XRCC5: variants seen among roughly 807,000 people sequenced by gnomAD.
XRCC5 encodes X-ray repair cross complementing 5.
A neutral mutation model predicts 95.7 loss-of-function variants in XRCC5; 12 were observed. That is an observed-to-expected ratio of 0.13 (90% CI 0.08 to 0.20). The LOEUF is 0.20. Among genes scored for constraint, XRCC5 ranks in the 10% least tolerant of loss-of-function variants. The pLI is 1.00. For missense variants in XRCC5, 595 were observed against 873.9 expected (o/e 0.68, Z 4.02); for synonymous variants, 281 against 290.3 (o/e 0.97, Z 0.33).
Position 216,205,172 on chromosome 2 carries a change from T to G in XRCC5, c.2185-16T>G, listed in dbSNP as rs773933947. 20 of 1,613,786 alleles carry G rather than the reference T, an allele frequency of 1.2e-5. No homozygotes were observed. Among genetic ancestry groups the G allele is most frequent in the Non-Finnish European group, 1.7e-5 (20 of 1,179,848 alleles). ...TTGGCCTGATTCCTTTCTAAGTGTG[T>G]TGTTCTTGTTCACAGTTGGACATGA... is the stretch of plus-strand genomic sequence containing the variant. On this transcript the variant is annotated splice_polypyrimidine_tract_variant and intron_variant, in intron 20 of 20. Transcript: ENST00000392132.
chr2:216,159,515 G>A (rs1394650339), intron 14 of XRCC5, among the ~76,000 whole-genome samples: 10 of 151,990 alleles, frequency 6.6e-5, no homozygotes, highest in South Asian at 2.1e-4. Context: ...TATAGTTTAC[G>A]ACTTCTTTAA....
chr2:216,116,332 C>G (rs1696695689), intron 2 of XRCC5, among the ~76,000 whole-genome samples: 1 of 151,932 alleles, frequency 6.6e-6, no homozygotes, highest in Non-Finnish European at 1.5e-5. Context: ...ATACTAAAAT[C>G]TTTTCACATT....
At chr2:216,193,659 C>T (rs921643749) in intron 18 of XRCC5, among the ~76,000 whole-genome samples, 5 of 152,024 alleles carry the variant, frequency 3.3e-5, no homozygotes, top group African/African-American at 7.2e-5. Flanking sequence ...CTGTTGACCC[C>T]GTAAATGAAG....
rs778993584 is a variant in XRCC5, at chr2:216,190,205, TTTG to T, written c.1835-15_1835-13del. 15 of 1,606,744 alleles carry T rather than the reference TTTG, an allele frequency of 9.3e-6. No homozygotes were observed. Among genetic ancestry groups the T allele is most frequent in the Non-Finnish European group, 2.6e-6 (3 of 1,174,526 alleles). ...CAGGCATCACTCAAATCTAAGAAAA[TTTG>T]TTGTCTTATGTTTTAGCGAGTAACC... On this transcript the variant is annotated splice_polypyrimidine_tract_variant and intron_variant, in intron 16 of 20. Coordinates refer to ENST00000392132, the MANE Select transcript of XRCC5 (RefSeq NM_021141.4).
intron 4 of XRCC5, among the ~76,000 whole-genome samples, chr2:216,118,262 G>C (rs1036490508): frequency 6.6e-6 from 1 of 151,046 alleles, no homozygotes; most frequent in Non-Finnish European, 1.5e-5. Context: ...ACCTCAGCTT[G>C]ATCTCCTGGG....
intron 20 of XRCC5, 94 bp from the exon 21 acceptor site, chr2:216,205,094 T>C (rs1167976334): frequency 6.8e-6 from 10 of 1,470,660 alleles, no homozygotes; most frequent in Non-Finnish European, 8.6e-6. Flanking sequence ...TGCCTTCCAA[T>C]GTAGAGTCAT....
intron 14 of XRCC5, 67 bp downstream of exon 14, chr2:216,148,343 T>G (rs2106019235): frequency 4.9e-6 from 7 of 1,441,796 alleles, no homozygotes; most frequent in Non-Finnish European, 6.6e-6. Context: ...TTAGAGTGGC[T>G]CTGGAAGTGT....
chr2:216,113,240 G>T, intron 2 of XRCC5, 111 bp downstream of exon 2: 1 of 807,830 alleles, frequency 1.2e-6, no homozygotes, highest in Non-Finnish European at 2.0e-6. Flanking sequence ...CTCTGTTTGG[G>T]GGGATTCTGG....
intron 12 of XRCC5, among the ~76,000 whole-genome samples, chr2:216,139,015 C>G (rs747732624): frequency 6.6e-6 from 1 of 152,078 alleles, no homozygotes; most frequent in African/African-American, 2.4e-5. Flanking sequence ...TCTTTATCTT[C>G]CTTCTAGAAA....
chr2:216,165,435 A>G (rs1187969494), intron 16 of XRCC5, among the ~76,000 whole-genome samples: 2 of 152,214 alleles, frequency 1.3e-5, no homozygotes, highest in Admixed American at 6.5e-5. Flanking sequence ...TGGATTGCTT[A>G]TTAGCAACTA....
At chr2:216,151,430 T>G (rs1688742543) in intron 14 of XRCC5, among the ~76,000 whole-genome samples, 2 of 152,178 alleles carry the variant, frequency 1.3e-5, no homozygotes. Context: ...TTTCTGCTCT[T>G]TTCAGGTCCA....
chr2:216,129,205 G>A (rs1407672043), intron 8 of XRCC5, among the ~76,000 whole-genome samples: 3 of 152,186 alleles, frequency 2.0e-5, no homozygotes, highest in Admixed American at 2.0e-4. Flanking sequence ...AGGCAAAAAG[G>A]AAATTTATTG....
At chr2:216,155,014 T>TA (rs958489492) in intron 14 of XRCC5, among the ~76,000 whole-genome samples, 9 of 149,508 alleles carry the variant, frequency 6.0e-5, no homozygotes, top group African/African-American at 1.2e-4. Context: ...AAGTAGAAAA[T>TA]AAAAAAATAT....
intron 14 of XRCC5, among the ~76,000 whole-genome samples, chr2:216,154,973 C>T (rs1398007698): frequency 6.7e-6 from 1 of 148,284 alleles, no homozygotes; most frequent in African/African-American, 2.4e-5. Flanking sequence ...TTAAAAAAAA[C>T]CATTTATCAT....
At chr2:216,174,227 A>G (rs1037252204) in intron 16 of XRCC5, among the ~76,000 whole-genome samples, 2 of 152,226 alleles carry the variant, frequency 1.3e-5, no homozygotes, top group African/African-American at 4.8e-5. Flanking sequence ...ATTCAAAAAT[A>G]TGCTAATTTA....
chr2:216,198,198 A>G (rs1334810344), intron 19 of XRCC5, among the ~76,000 whole-genome samples: 1 of 152,214 alleles, frequency 6.6e-6, no homozygotes, highest in East Asian at 1.9e-4. Flanking sequence ...CTTCGTTTTC[A>G]AGTGGATTAA....
chr2:216,192,314 C>T (rs1689628634), intron 17 of XRCC5, among the ~76,000 whole-genome samples: 1 of 152,118 alleles, frequency 6.6e-6, no homozygotes, highest in East Asian at 1.9e-4. Flanking sequence ...ATTATTGAAG[C>T]TGGGTTATGA....
Position 216,148,176 on chromosome 2 carries a change from A to G in XRCC5, c.1570A>G (p.Thr524Ala), listed in dbSNP as rs773863438. ...NMLNPPAEVT[T>A]KSQIPLSKIK... is the part of the protein sequence containing the mutation. ...GCTGAATCCTCCCGCTGAGGTGACA[A>G]CAAAAAGTCAGATTCCTCTCTCTAA... Residue 524 changes from threonine (T) to alanine (A), a missense_variant, in exon 14 of 21, where the codon ACA becomes GCA. Physicochemically the swap from Thr to Ala is moderately conservative, Grantham distance 58. Around this residue, in one of 2 missense-constraint regions of XRCC5, gnomAD observed 309 missense variants for 382.9 expected, o/e 0.81. Coordinates refer to ENST00000392132, the MANE Select transcript of XRCC5 (RefSeq NM_021141.4). 2.2e-5 allele frequency: 36 copies of G among 1,614,034 alleles called. No individual in the cohort carries two copies. Among genetic ancestry groups the G allele is most frequent in the Non-Finnish European group, 2.9e-5 (34 of 1,180,022 alleles).
At chr2:216,119,823 T>C (rs995758913) in intron 5 of XRCC5, among the ~76,000 whole-genome samples, 6 of 152,264 alleles carry the variant, frequency 3.9e-5, no homozygotes, top group South Asian at 2.1e-4. Flanking sequence ...CTCTGTGTTA[T>C]ATCCCTAACA....
Sources: gnomAD v4.1 joint callset for allele counts (sites outside exome capture counted in the v4.1 genomes callset) on GRCh38, gnomAD v4.1.1 for gene constraint, gnomAD v4.1.1 regional missense constraint, MANE v1.5 for transcripts, NCBI Gene and HGNC (gene_info 2026-07-23, HGNC 2026-07-21) for gene names.